The following GRHL2 variants were observed in gnomAD, a reference collection of about 807,000 sequenced individuals.
GRHL2 encodes grainyhead like transcription factor 2, also known as grainyhead-like protein 2 homolog.
In GRHL2, 21 loss-of-function variants were observed where a neutral mutation model predicts 83.8. The observed-to-expected ratio is 0.25, with a 90% CI of 0.18 to 0.36. The LOEUF (loss-of-function observed/expected upper bound fraction) is 0.36. Among genes scored for constraint, GRHL2 ranks in the 10% least tolerant of loss-of-function variants. The pLI is 1.00. For missense variants in GRHL2, 623 were observed against 781.8 expected (o/e 0.80, Z 2.42); for synonymous variants, 280 against 278.9 (o/e 1.00, Z -0.04).
At position 101,664,364 on chromosome 8, in the gene GRHL2, T is replaced by C. The variant is rs895073419; in HGVS notation, c.1699-90T>C. ...GAAGAGCACTCTATCCCTGGGAAAA[T>C]GTCCAAGGGAGTGAAACTGGAACTT... is the stretch of plus-strand genomic sequence containing the variant. On this transcript the variant is annotated intron_variant, in intron 14 of 15. Transcript: ENST00000646743. 8.9e-6 allele frequency: 8 copies of C among 894,400 alleles called. No homozygotes were observed. The Admixed American group carries it at 1.0e-4, about 12-fold the overall frequency. The allele number at this position is 894,400 out of a possible 1,614,324, so 55.4% of individuals were successfully genotyped here. A position where few individuals can be genotyped will look rare whatever the true frequency, so the allele number is the denominator to read the frequency against.
rs115464980 is a variant in GRHL2, at chr8:101,535,497, C to T, written c.21-7744C>T. Among the ~76,000 whole-genome samples, 380 of 152,214 alleles carry T rather than the reference C, an allele frequency of 2.5e-3. 3 individuals carry two copies. Among genetic ancestry groups the T allele is most frequent in the African/African-American group, 8.8e-3 (364 of 41,534 alleles). ...GGAATGCCACTGTTTTGGTGTCATT[C>T]TTGGATCTGACAGCTCAGTGACAGT... is the stretch of plus-strand genomic sequence containing the variant. On this transcript the variant is annotated intron_variant, in intron 1 of 15. Coordinates refer to ENST00000646743, the MANE Select transcript of GRHL2 (RefSeq NM_024915.4).
chr8:101,678,092 A>G, the GRHL2 span, among the ~76,000 whole-genome samples: 1 of 152,192 alleles, frequency 6.6e-6, no homozygotes, highest in Non-Finnish European at 1.5e-5. Flanking sequence ...GGAGGTCCGG[A>G]ATAGGAACAG....
the GRHL2 span, among the ~76,000 whole-genome samples, chr8:101,676,275 C>G: frequency 2.0e-5 from 3 of 151,810 alleles, no homozygotes; most frequent in African/African-American, 7.3e-5. Context: ...GAACAGGCAA[C>G]CTACAGAATG....
intron 8 of GRHL2, among the ~76,000 whole-genome samples, chr8:101,603,631 C>A (rs543230496): frequency 1.3e-5 from 2 of 152,146 alleles, no homozygotes; most frequent in Non-Finnish European, 2.9e-5. Flanking sequence ...CCATTGCAGG[C>A]GGATTCTGGC....
the GRHL2 span, among the ~76,000 whole-genome samples, chr8:101,678,865 C>T: frequency 6.8e-6 from 1 of 146,922 alleles, no homozygotes; most frequent in Non-Finnish European, 1.5e-5. Context: ...GCTGAGGGTC[C>T]TGTCTGTTAG....
In GRHL2 at chr8:101,649,479, G is replaced by A; in HGVS notation, c.1678G>A (p.Val560Met). 1 of 1,613,824 alleles carries A rather than the reference G, an allele frequency of 6.2e-7. No individual in the cohort carries two copies. The highest frequency in any genetic ancestry group is 8.5e-7 in the Non-Finnish European group (1 of 1,179,768). The change falls in exon 14 of 16, where the codon GTG (valine) becomes ATG (methionine). Residue 560 changes from valine (V) to methionine (M), a missense_variant. By Grantham distance (21) the Val-to-Met change is conservative. Coordinates refer to ENST00000646743, the MANE Select transcript of GRHL2 (RefSeq NM_024915.4). ...FDALMLKSPT[V>M]KGLMEAISEK... is the part of the protein sequence containing the mutation. ...TGCATTGATGTTGAAGTCTCCCACAGTGAAGGGCCTGATGGAAGCGGTAAG... is the reference window on the plus strand; with the variant it reads ...TGCATTGATGTTGAAGTCTCCCACAATGAAGGGCCTGATGGAAGCGGTAAG...
intron 12 of GRHL2, among the ~76,000 whole-genome samples, chr8:101,643,080 C>T (rs922812873): frequency 2.0e-5 from 3 of 152,016 alleles, no homozygotes; most frequent in African/African-American, 7.3e-5. Flanking sequence ...CGTGCCTGGT[C>T]CCTGGAGGCT....
intron 9 of GRHL2, 121 bp from the exon 10 acceptor site, chr8:101,631,516 G>A: frequency 2.5e-6 from 2 of 806,072 alleles, no homozygotes; most frequent in Admixed American, 2.0e-5. Context: ...AATGGAAATG[G>A]GGCTGCTTGG....
chr8:101,529,545 G>A (rs1318030479), intron 1 of GRHL2: 5 of 235,620 alleles, frequency 2.1e-5, no homozygotes, highest in Admixed American at 4.3e-5. Context: ...TCCACTTATG[G>A]TGCACCACCG....
intron 1 of GRHL2, among the ~76,000 whole-genome samples, chr8:101,518,426 A>G (rs979406012): frequency 6.6e-6 from 1 of 152,150 alleles, no homozygotes; most frequent in African/African-American, 2.4e-5. Context: ...AAAGGAAAAA[A>G]TAAATAAAAT....
intron 7 of GRHL2, among the ~76,000 whole-genome samples, chr8:101,580,433 A>T (rs1563590565): frequency 2.6e-5 from 4 of 152,150 alleles, no homozygotes; most frequent in Admixed American, 1.3e-4. Flanking sequence ...TGTACCCATT[A>T]ACCAACCTCT....
the GRHL2 span, among the ~76,000 whole-genome samples, chr8:101,680,421 T>A: frequency 6.7e-6 from 1 of 149,034 alleles, no homozygotes; most frequent in African/African-American, 2.5e-5. Context: ...CCCAGATTCA[T>A]AAAGCAAGTG....
At chr8:101,584,914 G>C (rs1425262436) in intron 7 of GRHL2, among the ~76,000 whole-genome samples, 2 of 152,120 alleles carry the variant, frequency 1.3e-5, no homozygotes, top group Non-Finnish European at 2.9e-5. Context: ...TGGCCAGGTA[G>C]CTAGGTGACC....
At chr8:101,677,904 G>A in the GRHL2 span, among the ~76,000 whole-genome samples, 3 of 152,058 alleles carry the variant, frequency 2.0e-5, no homozygotes, top group Non-Finnish European at 2.9e-5. Context: ...GATACCCTCA[G>A]CCTGAACATC....
intron 4 of GRHL2, chr8:101,562,446 G>T: frequency 2.2e-6 from 1 of 446,510 alleles, no homozygotes. Flanking sequence ...CCGTGGCCAG[G>T]GTAGATGGGC....
rs552332531 is a variant in GRHL2, at chr8:101,620,316, G to A, written c.1257+619G>A. 7.4e-4 allele frequency among the ~76,000 whole-genome samples: 112 copies of A among 152,210 alleles called. 1 individual carries two copies. The highest frequency in any genetic ancestry group is 2.5e-3 in the African/African-American group (104 of 41,520). On this transcript the variant is annotated intron_variant, in intron 9 of 15. Transcript: ENST00000646743. Reference sequence around the variant, plus strand: ...TTTGGGGGTACACAAACTTTAGTCCGTAATACATTGTGCTATAAGTTTGAT... The same window carrying A: ...TTTGGGGGTACACAAACTTTAGTCCATAATACATTGTGCTATAAGTTTGAT...
At chr8:101,561,465 A>T (rs1318227209) in intron 4 of GRHL2, among the ~76,000 whole-genome samples, 1 of 152,214 alleles carries the variant, frequency 6.6e-6, no homozygotes, top group East Asian at 1.9e-4. Flanking sequence ...GGGTTAAACC[A>T]GGTCAAAACA....
intron 3 of GRHL2, among the ~76,000 whole-genome samples, chr8:101,555,474 G>A (rs1811471630): frequency 6.6e-6 from 1 of 151,876 alleles, no homozygotes; most frequent in Non-Finnish European, 1.5e-5. Flanking sequence ...ATTTCATGAT[G>A]GACTCTTTTT....
At chr8:101,513,779 A>G (rs1445619941) in intron 1 of GRHL2, among the ~76,000 whole-genome samples, 1 of 151,954 alleles carries the variant, frequency 6.6e-6, no homozygotes, top group Admixed American at 6.6e-5. Context: ...TACACACGTG[A>G]GCTATCGCGC....
Sources: allele counts gnomAD v4.1 joint callset (sites outside exome capture counted in the v4.1 genomes callset), GRCh38; gene constraint gnomAD v4.1.1; transcripts MANE v1.5; gene names NCBI Gene and HGNC (gene_info 2026-07-23, HGNC 2026-07-21).